Variants in TJP2 observed in about 807,000 individuals in gnomAD.
The protein encoded by TJP2 is Friedreich ataxia region gene X104 (tight junction protein ZO-2).
A neutral mutation model predicts 133.1 loss-of-function variants in TJP2; 91 were observed. The observed-to-expected ratio is 0.68, with a 90% confidence interval of 0.58 to 0.81. TJP2 has a LOEUF of 0.81. Among genes scored for constraint, TJP2 ranks in the 40% least tolerant of loss-of-function variants. TJP2 has a pLI of 0.00. For missense variants in TJP2, 1,541 were observed against 1,565.6 expected, an observed-to-expected ratio of 0.98 and a Z score of 0.26; for synonymous variants, 592 against 583.4, an observed-to-expected ratio of 1.01 and a Z score of -0.21.
rs1245530686 is a variant in TJP2 at position 69,221,494 on chromosome 9, A to G, written c.950A>G (p.Glu317Gly). The G allele has an allele frequency of 6.2e-7, 1 of 1,603,264 alleles. No individual in the cohort carries two copies. The highest frequency in any genetic ancestry group is 1.7e-5 in the Admixed American group (1 of 58,734). ...GVLLMKSRAN[E>G]EYGLRLGSQI... ...CTCCTGATGAAAAGCAGAGCGAACG[A>G]AGGTAGGCATGCTTGATGTGGGAAG... Residue 317 changes from glutamate (E) to glycine (G), a missense_variant and splice_region_variant, in exon 5 of 23, where the codon GAA becomes GGA. Transcript: ENST00000377245.
intron 1 of TJP2, among the ~76,000 whole-genome samples, chr9:69,177,334 C>T (rs1419362549): frequency 6.6e-6 from 1 of 152,110 alleles, no homozygotes; most frequent in African/African-American, 2.4e-5. Context: ...ATCCTAAATC[C>T]AAGGGTTAGG....
At chr9:69,213,939 A>C (rs1309789215) in intron 2 of TJP2, among the ~76,000 whole-genome samples, 1 of 152,230 alleles carries the variant, frequency 6.6e-6, no homozygotes, top group Non-Finnish European at 1.5e-5. Context: ...GTGTATAATC[A>C]GTCAGCATAG....
chr9:69,122,667 A>G (rs1283075416), intron 1 of TJP2, among the ~76,000 whole-genome samples: 1 of 152,116 alleles, frequency 6.6e-6, no homozygotes, highest in Non-Finnish European at 1.5e-5. Context: ...CGAGCTTGAG[A>G]AGGGCATTTT....
At chr9:69,227,498 T>G (rs924557534) in intron 7 of TJP2, among the ~76,000 whole-genome samples, 2 of 152,178 alleles carry the variant, frequency 1.3e-5, no homozygotes, top group Admixed American at 1.3e-4. Context: ...ATAATAGAAT[T>G]TTGACTCTTC....
intron 2 of TJP2, among the ~76,000 whole-genome samples, chr9:69,161,222 G>A (rs1219601615): frequency 6.6e-6 from 1 of 151,704 alleles, no homozygotes; most frequent in Non-Finnish European, 1.5e-5. Context: ...TGATGTGTGT[G>A]TGTGTGTGTG....
chr9:69,179,511 C>CT (rs563179558), intron 1 of TJP2, among the ~76,000 whole-genome samples: 2,618 of 139,044 alleles, frequency 0.019, 44 homozygotes, highest in African/African-American at 0.027. Flanking sequence ...CTTTTTCTTT[C>CT]TTTTTTTTTT....
In TJP2 at chr9:69,237,132, A is replaced by C; in HGVS notation, c.2175A>C (p.Arg725=). Residue 725 remains arginine (R), a synonymous_variant, in exon 14 of 23, where the codon CGA becomes CGC. Coordinates refer to ENST00000377245, the MANE Select transcript of TJP2 (RefSeq NM_004817.4). ...KFPAYERVLL[R]EAGFKRPVVL... is the part of the protein sequence containing the mutation. ...CAGCTTATGAGAGGGTTTTGCTGCG[A>C]GAAGGTGAGGAAGTCACATGGGGCC... 1 of 1,614,062 alleles carries C rather than the reference A, an allele frequency of 6.2e-7. No individual in the cohort carries two copies. Among genetic ancestry groups the C allele is most frequent in the South Asian group, 1.1e-5 (1 of 91,078 alleles).
upstream of TJP2, among the ~76,000 whole-genome samples, chr9:69,173,117 G>T (rs1407198499): frequency 1.3e-5 from 2 of 152,160 alleles, no homozygotes; most frequent in Admixed American, 6.5e-5. Flanking sequence ...GATCAGGCAG[G>T]AAGTGAAGCA....
At chr9:69,137,225 C>T (rs1338788631) in intron 1 of TJP2, among the ~76,000 whole-genome samples, 10 of 124,246 alleles carry the variant, frequency 8.0e-5, no homozygotes, top group African/African-American at 3.3e-4. Flanking sequence ...TGTTTTCTTT[C>T]CTTCTTTCTT....
chr9:69,192,793 C>T (rs1250787213), intron 1 of TJP2, among the ~76,000 whole-genome samples: 1 of 152,068 alleles, frequency 6.6e-6, no homozygotes, highest in Non-Finnish European at 1.5e-5. Flanking sequence ...ATTCATTCCT[C>T]ACAGTGACAA....
At chr9:69,230,436 TGTGAGAACTGATA>T (rs1354345732) in intron 11 of TJP2, among the ~76,000 whole-genome samples, 1 of 152,264 alleles carries the variant, frequency 6.6e-6, no homozygotes, top group Non-Finnish European at 1.5e-5. Context: ...TCCATGTATC[TGTGAGAACTGATA>T]GTGTTTCTGC....
intron 1 of TJP2, among the ~76,000 whole-genome samples, chr9:69,129,713 G>T (rs1429896746): frequency 6.6e-6 from 1 of 152,072 alleles, no homozygotes; most frequent in Non-Finnish European, 1.5e-5. Flanking sequence ...GAGGCGTGCG[G>T]ATCACTTGAG....
intron 1 of TJP2, among the ~76,000 whole-genome samples, chr9:69,189,981 A>G (rs549648900): frequency 9.0e-6 from 1 of 111,490 alleles, no homozygotes; most frequent in Non-Finnish European, 2.0e-5. Flanking sequence ...ATGGTGGTGG[A>G]CGCCTGTAGT....
upstream of TJP2, among the ~76,000 whole-genome samples, chr9:69,170,695 C>G (rs1824633523): frequency 6.6e-6 from 1 of 152,218 alleles, no homozygotes; most frequent in Non-Finnish European, 1.5e-5. Context: ...GTTGGCCTCT[C>G]CCTCTTTCCT....
chr9:69,189,256 C>T (rs912187373), intron 1 of TJP2, among the ~76,000 whole-genome samples: 17 of 152,096 alleles, frequency 1.1e-4, no homozygotes, highest in Non-Finnish European at 2.4e-4. Context: ...AACAGAGCAA[C>T]CAGCCCAAGG....
At chr9:69,180,555 C>G (rs945676500) in intron 1 of TJP2, among the ~76,000 whole-genome samples, 1 of 152,132 alleles carries the variant, frequency 6.6e-6, no homozygotes, top group African/African-American at 2.4e-5. Flanking sequence ...CCTACTAAAG[C>G]TGAGCACACC....
chr9:69,234,677 C>CT, intron 12 of TJP2, 130 bp downstream of exon 12: 1 of 662,984 alleles, frequency 1.5e-6, no homozygotes, highest in East Asian at 2.7e-5. Context: ...ACACCTAGTC[C>CT]TTGGGCCCTA....
intron 1 of TJP2, among the ~76,000 whole-genome samples, chr9:69,188,408 A>T (rs1588007301): frequency 6.6e-6 from 1 of 152,096 alleles, no homozygotes; most frequent in South Asian, 2.1e-4. Flanking sequence ...CAGGGAGGGG[A>T]TTTGAGCCAA....
At chr9:69,198,314 T>A (rs2993821) in intron 1 of TJP2, among the ~76,000 whole-genome samples, 2 of 151,990 alleles carry the variant, frequency 1.3e-5, no homozygotes, top group Non-Finnish European at 2.9e-5. Context: ...GCGAATTTTT[T>A]TATTTTCAGT....
Sources: gnomAD v4.1 joint callset for allele counts (sites outside exome capture counted in the v4.1 genomes callset) on GRCh38, gnomAD v4.1.1 for gene constraint, MANE v1.5 for transcripts, NCBI Gene and HGNC (gene_info 2026-07-23, HGNC 2026-07-21) for gene names.